PLEKHG1: variants seen among roughly 807,000 people sequenced by gnomAD.
PLEKHG1 encodes pleckstrin homology domain-containing family G member 1.
PLEKHG1 carries 44 observed loss-of-function variants against 100.8 expected under a neutral mutation model. The observed-to-expected ratio is 0.44, with a 90% CI of 0.34 to 0.56. The LOEUF (loss-of-function observed/expected upper bound fraction) is 0.56. Ranked by LOEUF, PLEKHG1 falls within the 20% of genes least tolerant of loss-of-function variation. PLEKHG1 has a pLI of 0.01. For missense variants in PLEKHG1, 1,545 were observed against 1,720.9 expected (o/e 0.90, Z 1.81); for synonymous variants, 640 against 662.5 (o/e 0.97, Z 0.52).
In PLEKHG1 at chr6:150,683,936, G is replaced by T. The variant is rs1057474308; in HGVS notation, c.-99+33150G>T. ...ACCTGCAGCCAGGGTGGTGGCAAGG[G>T]CAGTGGCAAGTAGTGGGTTTCATGG... On this transcript the variant is annotated intron_variant, in intron 3 of 3. Coordinates refer to the PLEKHG1 transcript ENST00000367326. This position sits in a 1 kb window ranked among gnomAD's most constrained non-coding sequence, Gnocchi z 4.0. 2 of 629,424 alleles carry T rather than the reference G, an allele frequency of 3.2e-6. No homozygotes were observed. The highest frequency in any genetic ancestry group is 6.6e-5 in the Admixed American group (2 of 30,470). The allele number at this position is 629,424 out of a possible 1,614,324, so 39.0% of individuals were successfully genotyped here.
chr6:150,602,812 T>C (rs1162062261), intron 1 of PLEKHG1, among the ~76,000 whole-genome samples: 3 of 152,166 alleles, frequency 2.0e-5, no homozygotes, highest in Non-Finnish European at 2.9e-5. Flanking sequence ...TAAGAAATGT[T>C]GGTTGCATGG....
At chr6:150,627,845 A>G (rs1777568510) in intron 1 of PLEKHG1, among the ~76,000 whole-genome samples, 1 of 152,230 alleles carries the variant, frequency 6.6e-6, no homozygotes, top group Admixed American at 6.5e-5. Flanking sequence ...GTTTATTGCC[A>G]TCTGTGATCA....
chr6:150,735,910 G>C (rs1782535967), intron 2 of PLEKHG1, among the ~76,000 whole-genome samples: 1 of 152,178 alleles, frequency 6.6e-6, no homozygotes, highest in Admixed American at 6.5e-5. Flanking sequence ...ATGAATGAAA[G>C]AAAACAGATA....
chr6:150,607,375 T>A (rs1776646055), intron 1 of PLEKHG1, among the ~76,000 whole-genome samples: 1 of 152,138 alleles, frequency 6.6e-6, no homozygotes, highest in African/African-American at 2.4e-5. Context: ...CATCTGCACT[T>A]CTCTGATGTG....
intron 2 of PLEKHG1, among the ~76,000 whole-genome samples, chr6:150,644,334 GTTTTTTT>G (rs57840463): frequency 8.5e-6 from 1 of 117,622 alleles, no homozygotes; most frequent in Admixed American, 9.3e-5. Flanking sequence ...TTCTTTTCGT[GTTTTTTT>G]TTTTTTTTTT....
chr6:150,833,198 A>G (rs1000538652), intron 15 of PLEKHG1, among the ~76,000 whole-genome samples: 6 of 151,678 alleles, frequency 4.0e-5, no homozygotes. Flanking sequence ...GTGTACCACC[A>G]CGCCCCGCTA....
intron 1 of PLEKHG1, among the ~76,000 whole-genome samples, chr6:150,637,896 C>A (rs866095967): frequency 1.2e-4 from 19 of 152,058 alleles, no homozygotes; most frequent in Non-Finnish European, 2.1e-4. Context: ...GAAAGCGATT[C>A]TTTATTATTT....
At chr6:150,828,164 TG>T in intron 14 of PLEKHG1, 1 of 1,613,840 alleles carries the variant, frequency 6.2e-7, no homozygotes, top group African/African-American at 1.3e-5. Flanking sequence ...CCACGATATT[TG>T]TTTACCTGGA....
At chr6:150,753,100 C>T (rs542144943) in intron 2 of PLEKHG1, among the ~76,000 whole-genome samples, 3 of 152,074 alleles carry the variant, frequency 2.0e-5, no homozygotes, top group Non-Finnish European at 2.9e-5. Flanking sequence ...GCAACAGAGC[C>T]AGAGCCTGTC....
chr6:150,608,632 T>C (rs1776699767), intron 1 of PLEKHG1, among the ~76,000 whole-genome samples: 1 of 152,246 alleles, frequency 6.6e-6, no homozygotes, highest in Non-Finnish European at 1.5e-5. Flanking sequence ...TGCTTCAATA[T>C]GCATAATACA....
chr6:150,796,748 C>G (rs1250415437), intron 5 of PLEKHG1, among the ~76,000 whole-genome samples: 3 of 152,106 alleles, frequency 2.0e-5, no homozygotes, highest in Admixed American at 6.6e-5. Flanking sequence ...TGCCCCTTCC[C>G]CATTTCATAG....
chr6:150,671,088 C>CATATATATATATATATATAT (rs10566696), intron 3 of PLEKHG1, among the ~76,000 whole-genome samples: 12 of 147,502 alleles, frequency 8.1e-5, no homozygotes, highest in African/African-American at 1.5e-4. Context: ...AGTATTCCAT[C>CATATATATATATATATATAT]ATATATATAT....
chr6:150,748,642 G>A (rs902870437), intron 2 of PLEKHG1, among the ~76,000 whole-genome samples: 6 of 137,314 alleles, frequency 4.4e-5, no homozygotes, highest in South Asian at 2.3e-4. Context: ...TTTTTGAGAC[G>A]GAGTCTTGCT....
intron 1 of PLEKHG1, among the ~76,000 whole-genome samples, chr6:150,725,679 T>C (rs1314264063): frequency 6.6e-6 from 1 of 152,130 alleles, no homozygotes; most frequent in Non-Finnish European, 1.5e-5. Context: ...TGCTTTTTGC[T>C]GTTGTTGCCT....
intron 3 of PLEKHG1, among the ~76,000 whole-genome samples, chr6:150,653,024 A>G (rs1778812460): frequency 6.6e-6 from 1 of 152,202 alleles, no homozygotes; most frequent in Non-Finnish European, 1.5e-5. Context: ...TGGTTTTCTT[A>G]CTGCAGATCT....
In PLEKHG1 at chr6:150,628,577, C is replaced by CA. The variant is rs3046186; in HGVS notation, c.-203-9503_-203-9502insA. Among the ~76,000 whole-genome samples the CA allele has an allele frequency of 4.2e-3, 622 of 147,412 alleles. 1 individual carries two copies. Among genetic ancestry groups the CA allele is most frequent in the Non-Finnish European group, 6.4e-3 (425 of 66,664 alleles). On this transcript the variant is annotated intron_variant, in intron 1 of 3. Transcript: ENST00000367326. ...ACACACACACACACACACACACACACCCCGTCCTTGCCCTCCTGCACTGAA... is the reference window on the plus strand; with the variant it reads ...ACACACACACACACACACACACACACACCCGTCCTTGCCCTCCTGCACTGAA...
intron 3 of PLEKHG1, among the ~76,000 whole-genome samples, chr6:150,681,428 C>A (rs925371014): frequency 1.3e-5 from 2 of 151,628 alleles, no homozygotes; most frequent in Non-Finnish European, 2.9e-5. Context: ...AGAGGAATCA[C>A]TTGAACCCAG....
chr6:150,711,435 T>G, intron 3 of PLEKHG1, among the ~76,000 whole-genome samples: 1 of 151,976 alleles, frequency 6.6e-6, no homozygotes, highest in East Asian at 1.9e-4. Flanking sequence ...AAAATGGAGG[T>G]GAGGTGTGAT....
In PLEKHG1 at chr6:150,711,722, C is replaced by T. The variant is rs144596393; in HGVS notation, c.-98-21862C>T. On this transcript the variant is annotated intron_variant, in intron 3 of 3. Transcript: ENST00000367326. The stretch of plus-strand genomic sequence containing the variant: ...GGGGTGTTTATCTGTTTTGTTCACT[C>T]TTGTGTCTTTAGTGCCCAAGACAGT... Among the ~76,000 whole-genome samples, 14 of 152,282 alleles carry T rather than the reference C, an allele frequency of 9.2e-5. No individual in the cohort carries two copies. The East Asian group carries it at 2.5e-3, about 27-fold the overall frequency.
Sources: gnomAD v4.1 joint callset for allele counts (sites outside exome capture counted in the v4.1 genomes callset) on GRCh38, gnomAD v4.1.1 for gene constraint, Gnocchi (gnomAD v3.1) non-coding constraint, MANE v1.5 for transcripts, NCBI Gene and HGNC (gene_info 2026-07-23, HGNC 2026-07-21) for gene names.